Variants in WDR7 observed in about 807,000 individuals in gnomAD.
WDR7 encodes WD repeat-containing protein 7.
Under a neutral mutation model 169.4 loss-of-function variants are expected in WDR7, and 46 were observed. That is an observed-to-expected ratio of 0.27 (90% confidence interval 0.21 to 0.35). The LOEUF is 0.35. Ranked by LOEUF, WDR7 falls within the 10% of genes least tolerant of loss-of-function variation. WDR7 has a pLI of 1.00. For missense variants in WDR7, 1,534 were observed against 1,859.3 expected (o/e 0.83, Z 3.22); for synonymous variants, 612 against 666.8 (o/e 0.92, Z 1.27).
At chr18:56,940,799 C>T (rs2047025960) in intron 25 of WDR7, among the ~76,000 whole-genome samples, 1 of 152,022 alleles carries the variant, frequency 6.6e-6, no homozygotes, top group Non-Finnish European at 1.5e-5. Context: ...AAAGAAGCTT[C>T]CTGGAGTTAA....
intron 20 of WDR7, among the ~76,000 whole-genome samples, chr18:56,876,582 G>A (rs997120851): frequency 6.6e-6 from 1 of 152,082 alleles, no homozygotes; most frequent in African/African-American, 2.4e-5. Context: ...AAAGTTTAAA[G>A]CCAGGAGCTA....
At chr18:56,836,287 C>G (rs1325677459) in intron 20 of WDR7, among the ~76,000 whole-genome samples, 1 of 152,166 alleles carries the variant, frequency 6.6e-6, no homozygotes, top group Non-Finnish European at 1.5e-5. Flanking sequence ...AAATATACAA[C>G]AAACGAAACC....
intron 26 of WDR7, among the ~76,000 whole-genome samples, chr18:56,997,144 T>C (rs2047909449): frequency 6.6e-6 from 1 of 152,158 alleles, no homozygotes; most frequent in Admixed American, 6.5e-5. Context: ...AAAACAAACC[T>C]GGATAAACAA....
chr18:56,877,784 A>G (rs1160445186), intron 20 of WDR7, among the ~76,000 whole-genome samples: 2 of 152,174 alleles, frequency 1.3e-5, no homozygotes, highest in Non-Finnish European at 2.9e-5. Flanking sequence ...TATAATAGAT[A>G]TAAAATTTGA....
chr18:57,015,746 C>T (rs755214807), intron 26 of WDR7, among the ~76,000 whole-genome samples: 2 of 152,200 alleles, frequency 1.3e-5, no homozygotes, highest in Non-Finnish European at 2.9e-5. Context: ...TGCAAGCACC[C>T]GCTGCACCTC....
intron 26 of WDR7, among the ~76,000 whole-genome samples, chr18:56,967,641 G>A (rs1309855921): frequency 6.6e-6 from 1 of 151,314 alleles, no homozygotes; most frequent in African/African-American, 2.5e-5. Flanking sequence ...ATAACTGCTC[G>A]CTCTTTGCAA....
Position 56,787,701 on chromosome 18 carries a change from T to C in WDR7, c.3190+6045T>C, listed in dbSNP as rs187500005. 3.0e-3 allele frequency among the ~76,000 whole-genome samples: 453 copies of C among 152,292 alleles called. 5 individuals are homozygous for C. The highest frequency in any genetic ancestry group is 1.9e-3 in the East Asian group (10 of 5,188). ...GGGTTTGACTTTCAACAAGCCACAC[T>C]GTAGTACCTATTTTAACCTGGAATT... On this transcript the variant is annotated intron_variant, in intron 19 of 27. Transcript: ENST00000254442.
chr18:56,801,788 C>A (rs2044677361), intron 19 of WDR7, among the ~76,000 whole-genome samples: 1 of 152,106 alleles, frequency 6.6e-6, no homozygotes. Context: ...TAATTCATTC[C>A]TTTTTATTGC....
At chr18:56,938,843 AAG>A (rs1292793560) in intron 24 of WDR7, among the ~76,000 whole-genome samples, 161 bp downstream of exon 24, 1 of 79,082 alleles carries the variant, frequency 1.3e-5, no homozygotes, top group African/African-American at 3.9e-5. Context: ...GTGTGTGTGT[AAG>A]AGAGAGATAA....
intron 21 of WDR7, among the ~76,000 whole-genome samples, chr18:56,918,111 A>C (rs1026358867): frequency 6.6e-5 from 10 of 152,128 alleles, no homozygotes; most frequent in Non-Finnish European, 1.0e-4. Flanking sequence ...TTATTTGTAC[A>C]TTTGGCCTGA....
intron 25 of WDR7, chr18:56,957,483 A>C (rs555131642): frequency 6.6e-6 from 1 of 152,086 alleles, no homozygotes; most frequent in Admixed American, 6.6e-5. Context: ...AAAAAAAAAA[A>C]AGGTAGAAAA....
At chr18:56,972,567 T>C (rs2047504008) in intron 26 of WDR7, among the ~76,000 whole-genome samples, 1 of 152,166 alleles carries the variant, frequency 6.6e-6, no homozygotes, top group Non-Finnish European at 1.5e-5. Flanking sequence ...ACCAGAAATA[T>C]GGCATCAGGG....
In WDR7 at chr18:56,757,017, C is replaced by T. The variant is rs151306429; in HGVS notation, c.2424C>T (p.His808=). The T allele has an allele frequency of 2.1e-4, 345 of 1,614,106 alleles. No homozygotes were observed. In the African/African-American group the frequency reaches 3.8e-3, roughly 18 times the overall value. The change falls in exon 15 of 28, where the codon CAC becomes CAT. Residue 808 remains histidine, a synonymous_variant. Transcript: ENST00000254442. The part of the protein sequence containing the change: ...DTAKLFMSCL[H]AWGLNEVLDE... ...CAAAGCTGTTTATGTCCTGCCTTCA[C>T]GCCTGGGGTTTGAATGAAGTACTGG... is the stretch of plus-strand genomic sequence containing the variant.
At chr18:56,969,053 C>T (rs1387549995) in intron 26 of WDR7, among the ~76,000 whole-genome samples, 1 of 152,158 alleles carries the variant, frequency 6.6e-6, no homozygotes, top group Non-Finnish European at 1.5e-5. Context: ...AGGGCCCTGC[C>T]TAAACTCCAG....
At chr18:56,673,263 C>T (rs1198897358) in intron 2 of WDR7, among the ~76,000 whole-genome samples, 3 of 152,056 alleles carry the variant, frequency 2.0e-5, no homozygotes, top group Non-Finnish European at 4.4e-5. Flanking sequence ...ATTTGTAACT[C>T]CTTTCTCTGA....
chr18:56,890,218 C>A (rs996117139), intron 21 of WDR7, among the ~76,000 whole-genome samples: 5 of 152,138 alleles, frequency 3.3e-5, no homozygotes, highest in Admixed American at 6.6e-5. Flanking sequence ...TAAATGGAAG[C>A]CTCAATTCTG....
At chr18:56,795,010 G>A (rs2044559394) in intron 19 of WDR7, among the ~76,000 whole-genome samples, 1 of 152,142 alleles carries the variant, frequency 6.6e-6, no homozygotes. Flanking sequence ...ACTTCTCTAA[G>A]GAGAATCTTA....
At chr18:57,013,340 G>T (rs1263042437) in intron 26 of WDR7, among the ~76,000 whole-genome samples, 1 of 152,208 alleles carries the variant, frequency 6.6e-6, no homozygotes, top group Non-Finnish European at 1.5e-5. Flanking sequence ...TGGTCCAGGG[G>T]TTGAGGACCA....
chr18:56,771,973 A>T (rs534202283), intron 16 of WDR7, among the ~76,000 whole-genome samples: 7 of 144,268 alleles, frequency 4.9e-5, no homozygotes, highest in Admixed American at 2.1e-4. Flanking sequence ...GGTTGGGAAG[A>T]TGGCTTGAGA....
Sources: allele counts gnomAD v4.1 joint callset (sites outside exome capture counted in the v4.1 genomes callset), GRCh38; gene constraint gnomAD v4.1.1; transcripts MANE v1.5; gene names NCBI Gene and HGNC (gene_info 2026-07-23, HGNC 2026-07-21).